Variants in TRPV3 observed in about 807,000 individuals in gnomAD.
TRPV3 encodes the protein VRL-3.
A neutral mutation model predicts 87.1 loss-of-function variants in TRPV3; 88 were observed. The observed-to-expected ratio is 1.01, with a 90% CI of 0.85 to 1.21. The LOEUF (loss-of-function observed/expected upper bound fraction) is 1.21, where lower values mean the gene tolerates loss of function less well. Among genes scored for constraint, TRPV3 ranks in the 50% most tolerant of loss-of-function variants. The probability of loss-of-function intolerance (pLI) is 0.00; values close to 1 mark genes in which losing one functional copy is unlikely to be tolerated. For synonymous variants in TRPV3, 438 were observed against 423.3 expected (o/e 1.03, Z -0.43); for missense variants, 1,054 against 1,030.1 (o/e 1.02, Z -0.32).
rs1476691192 is a variant in TRPV3 at position 3,524,239 on chromosome 17, C to A, written c.1702G>T (p.Gly568Cys). ...CTGTACATGCCCATGGACTGGAAAC[C>A]CCGCGTATAGTAGAGCATGTTCGCC... ...GWANMLYYTR[G>C]FQSMGMYSVM... The change falls in exon 13 of 18, where the codon GGT becomes TGT. Residue 568 changes from glycine (G) to cysteine (C), a missense_variant. Transcript: ENST00000576742. The A allele has an allele frequency of 1.2e-6, 2 of 1,614,246 alleles. No homozygotes were observed. The highest frequency in any genetic ancestry group is 1.7e-6 in the Non-Finnish European group (2 of 1,180,052).
chr17:3,537,725 G>A (rs2074420343), intron 6 of TRPV3, among the ~76,000 whole-genome samples: 1 of 151,660 alleles, frequency 6.6e-6, no homozygotes, highest in African/African-American at 2.4e-5. Context: ...CCCACATGGA[G>A]AAACCCCATC....
At position 3,524,262 on chromosome 17, in the gene TRPV3, G is replaced by T. The variant is rs758875463; in HGVS notation, c.1679C>A (p.Ala560Glu). Reference sequence around the variant, plus strand: ...ACCCCGCGTATAGTAGAGCATGTTCGCCCAGCCCAGGGCCATGGCCAGCAC... The same window carrying T: ...ACCCCGCGTATAGTAGAGCATGTTCTCCCAGCCCAGGGCCATGGCCAGCAC... ...CLVLAMALGW[A>E]NMLYYTRGFQ... Residue 560 changes from alanine (A) to glutamate (E), a missense_variant, in exon 13 of 18, where the codon GCG becomes GAG. Coordinates refer to ENST00000576742, the MANE Select transcript of TRPV3 (RefSeq NM_145068.4). The T allele has an allele frequency of 1.2e-6, 2 of 1,614,200 alleles. No homozygotes were observed. Among genetic ancestry groups the T allele is most frequent in the Admixed American group, 1.7e-5 (1 of 60,010 alleles).
chr17:3,541,080 T>C (rs1311561318), intron 6 of TRPV3, among the ~76,000 whole-genome samples: 1 of 152,116 alleles, frequency 6.6e-6, no homozygotes, highest in Non-Finnish European at 1.5e-5. Flanking sequence ...AAAACCTAAA[T>C]TGTGGCAGGG....
At chr17:3,520,012 GGA>G in intron 14 of TRPV3, among the ~76,000 whole-genome samples, 1 of 64,136 alleles carries the variant, frequency 1.6e-5, no homozygotes, top group South Asian at 3.7e-4. Flanking sequence ...ATGGATGGAT[GGA>G]CGGATAGACA....
At chr17:3,555,841 C>T (rs973266362) in intron 1 of TRPV3, among the ~76,000 whole-genome samples, 3 of 152,136 alleles carry the variant, frequency 2.0e-5, no homozygotes, top group East Asian at 3.9e-4. Flanking sequence ...GAAAGCCATG[C>T]GGGCAGGCTG....
At chr17:3,535,372 G>C in intron 7 of TRPV3, among the ~76,000 whole-genome samples, 1 of 71,818 alleles carries the variant, frequency 1.4e-5, no homozygotes. Flanking sequence ...CATCCTTCCT[G>C]CTTCCTTCCT....
Position 3,512,206 on chromosome 17 carries a change from TCTC to T in TRPV3, c.*1708_*1710del, listed in dbSNP as rs1218463784. 1 of 152,266 alleles carries T rather than the reference TCTC, an allele frequency of 6.6e-6. No homozygotes were observed. Among genetic ancestry groups the T allele is most frequent in the African/African-American group, 2.4e-5 (1 of 41,456 alleles). The allele number at this position is 152,266 out of a possible 1,614,324, so 9.4% of individuals were successfully genotyped here. On this transcript the variant is annotated 3_prime_UTR_variant, in exon 18 of 18. Coordinates refer to ENST00000576742, the MANE Select transcript of TRPV3 (RefSeq NM_145068.4). ...CTGCTCCTCCTGCCTCTAGGACAGT[TCTC>T]CTCAAATCTTCTCTTCTCCAGAGGC...
chr17:3,547,729 A>G, intron 2 of TRPV3, among the ~76,000 whole-genome samples: 1 of 144,984 alleles, frequency 6.9e-6, no homozygotes. Flanking sequence ...GGGGCAGCGG[A>G]GGGGAGGGGC....
At chr17:3,539,997 C>T (rs1189247553) in intron 6 of TRPV3, among the ~76,000 whole-genome samples, 2 of 151,116 alleles carry the variant, frequency 1.3e-5, no homozygotes, top group Admixed American at 6.6e-5. Context: ...ATCACCTGAA[C>T]CCGGGAGGCA....
chr17:3,537,758 T>C (rs2074420675), intron 6 of TRPV3, among the ~76,000 whole-genome samples: 1 of 150,314 alleles, frequency 6.7e-6, no homozygotes, highest in South Asian at 2.1e-4. Context: ...ACAAAAAAAT[T>C]AGCCAAGTGT....
chr17:3,524,046 C>G, intron 13 of TRPV3, 152 bp downstream of exon 13: 2 of 1,057,548 alleles, frequency 1.9e-6, no homozygotes, highest in Non-Finnish European at 2.7e-6. Context: ...CACTTAAAGC[C>G]TGGCCGAAAG....
rs555725941 is a variant in TRPV3 at position 3,514,585 on chromosome 17, G to A, written c.2278+8C>T. ...AGCGGACACCATGTCACCTCACAGCGACAGTACCTGTTCGTCTTACAGGCC... is the reference window on the plus strand; with the variant it reads ...AGCGGACACCATGTCACCTCACAGCAACAGTACCTGTTCGTCTTACAGGCC... On this transcript the variant is annotated splice_region_variant and intron_variant, in intron 17 of 17. Coordinates refer to ENST00000576742, the MANE Select transcript of TRPV3 (RefSeq NM_145068.4). 556 of 1,609,230 alleles carry A rather than the reference G, an allele frequency of 3.5e-4. 8 individuals are homozygous for A. The South Asian group carries it at 5.4e-3, about 16-fold the overall frequency.
intron 13 of TRPV3, among the ~76,000 whole-genome samples, chr17:3,521,883 T>C (rs34824199): frequency 0.36 from 54,571 of 151,802 alleles, 11,540 homozygotes; most frequent in Non-Finnish European, 0.48. Context: ...GGAGGCCAGC[T>C]TGGCCAACAT....
intron 7 of TRPV3, among the ~76,000 whole-genome samples, 194 bp from the exon 8 acceptor site, chr17:3,533,131 C>T (rs1266529894): frequency 6.6e-6 from 1 of 152,190 alleles, no homozygotes; most frequent in African/African-American, 2.4e-5. Context: ...GGCCTCCCTG[C>T]CTCCACCCTG....
At chr17:3,527,920 C>A in intron 11 of TRPV3, 105 bp downstream of exon 11, 1 of 886,494 alleles carries the variant, frequency 1.1e-6, no homozygotes, top group Non-Finnish European at 1.8e-6. Flanking sequence ...GGGAAGGAAA[C>A]GCCTCCCCAG....
At position 3,513,460 on chromosome 17, in the gene TRPV3, T is replaced by G. The variant is rs1280191764; in HGVS notation, c.*457A>C. 1 of 157,496 alleles carries G rather than the reference T, an allele frequency of 6.3e-6. No homozygotes were observed. Among genetic ancestry groups the G allele is most frequent in the African/African-American group, 2.4e-5 (1 of 41,484 alleles). 9.8% of individuals were successfully genotyped at this position (157,496 alleles called of 1,614,324 possible). ...ATGGGATCACGGGTCTCCCACAAAT[T>G]CAGGCAACCCAGTCACAGCAGAAGA... On this transcript the variant is annotated 3_prime_UTR_variant, in exon 18 of 18. Transcript: ENST00000576742.
intron 2 of TRPV3, among the ~76,000 whole-genome samples, chr17:3,545,662 G>A (rs1388506170): frequency 1.3e-5 from 2 of 151,764 alleles, no homozygotes; most frequent in Non-Finnish European, 1.5e-5. Context: ...GGTGAAAAGT[G>A]GGCAGGAGAG....
At position 3,540,222 on chromosome 17, in the gene TRPV3, T is replaced by C. The variant is rs528711051; in HGVS notation, c.643+2300A>G. 1.1e-4 allele frequency among the ~76,000 whole-genome samples: 17 copies of C among 152,262 alleles called. No homozygotes were observed. In the South Asian group the frequency reaches 3.5e-3, roughly 32 times the overall value. On this transcript the variant is annotated intron_variant, in intron 6 of 17. Coordinates refer to ENST00000576742, the MANE Select transcript of TRPV3 (RefSeq NM_145068.4). ...GAGTGGACAATCAGAGTGGTCACCT[T>C]GGGTCCTGCCCAGAGTGTGGAAGAA...
In TRPV3 at chr17:3,530,107, AG is replaced by A; in HGVS notation, c.1161del (p.Ser388ProfsTer33). On this transcript the variant is annotated frameshift_variant, in exon 9 of 18. Transcript: ENST00000576742. LOFTEE classifies it high-confidence loss of function. This position sits in a 1 kb window ranked among gnomAD's most constrained non-coding sequence, Gnocchi z 4.0. ...FTDWAYGPVS[S>X]SLYDLTNVDT... ...TCCACGTTGGTGAGGTCGTAGAGGGAGGATGACACGGGTCCGTACGCCCAGT... is the reference window on the plus strand; with the variant it reads ...TCCACGTTGGTGAGGTCGTAGAGGGAGATGACACGGGTCCGTACGCCCAGT... 4 of 1,614,130 alleles carry A rather than the reference AG, an allele frequency of 2.5e-6. No individual in the cohort carries two copies. Among genetic ancestry groups the A allele is most frequent in the Non-Finnish European group, 3.4e-6 (4 of 1,179,998 alleles).
Sources: allele counts gnomAD v4.1 joint callset (sites outside exome capture counted in the v4.1 genomes callset), GRCh38; gene constraint gnomAD v4.1.1; non-coding constraint Gnocchi (gnomAD v3.1); transcripts MANE v1.5; gene names NCBI Gene and HGNC (gene_info 2026-07-23, HGNC 2026-07-21).